The following RP1 variants were observed in gnomAD, a reference collection of about 807,000 sequenced individuals.
The protein encoded by RP1 is RP1 axonemal microtubule associated.
Under a neutral mutation model 14.8 loss-of-function variants are expected in RP1, and 16 were observed. The observed-to-expected ratio is 1.08, with a 90% CI of 0.73 to 1.65. The LOEUF (loss-of-function observed/expected upper bound fraction) is 1.65. Among genes scored for constraint, RP1 ranks in the 40% most tolerant of loss-of-function variants. The probability of loss-of-function intolerance (pLI) is 0.00; values close to 1 mark genes in which losing one functional copy is unlikely to be tolerated. For missense variants in RP1, 2,631 were observed against 2,535.0 expected (o/e 1.04, Z -0.81); for synonymous variants, 876 against 883.6 (o/e 0.99, Z 0.15).
chr8:54,837,145 G>A (rs569544418), intron 24 of RP1, among the ~76,000 whole-genome samples: 1 of 136,250 alleles, frequency 7.3e-6, no homozygotes, highest in South Asian at 2.5e-4. Context: ...TCTACCCACT[G>A]AATGAATAGT....
chr8:54,852,155 T>C (rs1812072989), intron 25 of RP1, among the ~76,000 whole-genome samples: 1 of 152,140 alleles, frequency 6.6e-6, no homozygotes, highest in South Asian at 2.1e-4. Context: ...AAAATCTCCA[T>C]TGTTAGAATA....
chr8:54,837,970 A>G (rs1376381819), intron 25 of RP1, among the ~76,000 whole-genome samples: 1 of 152,196 alleles, frequency 6.6e-6, no homozygotes, highest in Non-Finnish European at 1.5e-5. Context: ...TGATTTTTTC[A>G]ATCATTAAGA....
chr8:54,670,543 G>A lies in RP1; in HGVS notation c.1324-3307G>A, dbSNP rs904942463. On this transcript the variant is annotated intron_variant, in intron 7 of 22. Transcript: ENST00000636932. ...TATGTGTATATATATACATATATAT[G>A]TATGTATATGTATATATATACATAT... 2.8e-4 allele frequency among the ~76,000 whole-genome samples: 33 copies of A among 117,180 alleles called. 3 individuals carry two copies. The highest frequency in any genetic ancestry group is 6.3e-5 in the African/African-American group (2 of 31,656). The allele number at this position is 117,180 out of a possible 152,430, so 76.9% of individuals were successfully genotyped here.
chr8:54,697,153 T>G, intron 12 of RP1: 2 of 918,276 alleles, frequency 2.2e-6, no homozygotes, highest in Non-Finnish European at 3.5e-6. Flanking sequence ...GCACTACATT[T>G]TTATCAATGA....
intron 1 of RP1, among the ~76,000 whole-genome samples, chr8:54,586,879 C>A (rs1804940011): frequency 6.6e-6 from 1 of 152,202 alleles, no homozygotes; most frequent in African/African-American, 2.4e-5. Flanking sequence ...TCCAATTTTC[C>A]AGGTGCCGTC....
Position 54,630,183 on chromosome 8 carries a change from G to C in RP1, c.6301G>C (p.Gly2101Arg), listed in dbSNP as rs1405628366. 1.9e-6 allele frequency: 3 copies of C among 1,613,566 alleles called. No homozygotes were observed. In the South Asian group the frequency reaches 3.3e-5, roughly 18 times the overall value. The change falls in exon 4 of 4, where the codon GGT becomes CGT. Residue 2101 changes from glycine to arginine, a missense_variant. Transcript: ENST00000220676. ...CTGTCATTACTTCTTTGAAATGCTT[G>C]GTCAAGCTTGCCTCTTAGATATTTG... is the stretch of plus-strand genomic sequence containing the variant. ...INCHYFFEML[G>R]QACLLDICQV...
At chr8:54,753,449 A>G (rs1255317028) in intron 19 of RP1, among the ~76,000 whole-genome samples, 1 of 152,232 alleles carries the variant, frequency 6.6e-6, no homozygotes, top group Non-Finnish European at 1.5e-5. Flanking sequence ...TTACTGAACC[A>G]AACCGAGGGC....
At chr8:54,830,660 A>G (rs190264518) in intron 24 of RP1, among the ~76,000 whole-genome samples, 1 of 152,172 alleles carries the variant, frequency 6.6e-6, no homozygotes. Context: ...CTGCCATTTA[A>G]ATAAAAAGTT....
intron 8 of RP1, among the ~76,000 whole-genome samples, chr8:54,677,572 T>TA (rs2129334456): frequency 6.6e-6 from 1 of 152,012 alleles, no homozygotes; most frequent in Admixed American, 6.6e-5. Context: ...CAAAAATATT[T>TA]AAAAATTAGC....
intron 21 of RP1, chr8:54,755,820 T>C (rs1032410267): frequency 7.3e-7 from 1 of 1,372,156 alleles, no homozygotes; most frequent in Non-Finnish European, 9.5e-7. Context: ...TCTCTGAAGA[T>C]GGCCACATAT....
chr8:54,586,105 G>GT (rs1358555432), intron 1 of RP1, among the ~76,000 whole-genome samples: 4 of 152,168 alleles, frequency 2.6e-5, no homozygotes, highest in Admixed American at 2.0e-4. Context: ...TTTCTGCTCT[G>GT]TTTTTTCCCC....
chr8:54,594,944 G>A (rs758334488), intron 1 of RP1, among the ~76,000 whole-genome samples: 32 of 152,040 alleles, frequency 2.1e-4, no homozygotes, highest in Non-Finnish European at 3.4e-4. Context: ...GCTATTTGAA[G>A]AGAATATCTA....
chr8:54,694,998 C>T (rs544677210), intron 12 of RP1, among the ~76,000 whole-genome samples: 1 of 151,900 alleles, frequency 6.6e-6, no homozygotes, highest in Admixed American at 6.6e-5. Context: ...TGAATGTGTC[C>T]CAGAGATTCT....
In RP1 at chr8:54,622,328, T is replaced by TGA. The variant is rs756392635; in HGVS notation, c.787+43_787+44dup. 4 of 1,604,898 alleles carry TGA rather than the reference T, an allele frequency of 2.5e-6. No individual in the cohort carries two copies. The Admixed American group carries it at 6.7e-5, about 27-fold the overall frequency. On this transcript the variant is annotated intron_variant, in intron 3 of 3. Transcript: ENST00000220676. ...AATATATAGCCCATATTTTTAGCCC[T>TGA]GAGATTTTTTTTGCCTCAAGGACGG...
At chr8:54,786,347 G>T (rs1243163968) in intron 24 of RP1, among the ~76,000 whole-genome samples, 2 of 152,038 alleles carry the variant, frequency 1.3e-5, no homozygotes, top group East Asian at 3.9e-4. Flanking sequence ...CCTTATTAAA[G>T]ATCCTGTACA....
chr8:54,672,894 T>G (rs185062009), intron 7 of RP1, among the ~76,000 whole-genome samples: 93 of 152,336 alleles, frequency 6.1e-4, no homozygotes, highest in African/African-American at 2.0e-3. Flanking sequence ...TTGATTATTA[T>G]AAATATCATA....
chr8:54,807,051 A>G (rs751987144), intron 24 of RP1, among the ~76,000 whole-genome samples: 2 of 152,210 alleles, frequency 1.3e-5, no homozygotes, highest in African/African-American at 4.8e-5. Context: ...CAAAATTAAT[A>G]TCTATTGACC....
intron 1 of RP1, among the ~76,000 whole-genome samples, chr8:54,594,330 G>T (rs1009372221): frequency 1.3e-5 from 2 of 152,284 alleles, no homozygotes; most frequent in East Asian, 1.9e-4. Context: ...CTTGGTCTGA[G>T]GCTGGCAAGG....
chr8:54,636,404 A>G (rs951673803), intron 3 of RP1, among the ~76,000 whole-genome samples: 1 of 152,352 alleles, frequency 6.6e-6, no homozygotes, highest in Admixed American at 6.5e-5. Flanking sequence ...CACTCTCAAG[A>G]AAAACCTCAA....
Sources: gnomAD v4.1 joint callset for allele counts (sites outside exome capture counted in the v4.1 genomes callset) on GRCh38, gnomAD v4.1.1 for gene constraint, MANE v1.5 for transcripts, NCBI Gene and HGNC (gene_info 2026-07-23, HGNC 2026-07-21) for gene names.